FGF13: variants seen among roughly 807,000 people sequenced by gnomAD.
FGF13 encodes the protein fibroblast growth factor homologous factor 2.
A neutral mutation model predicts 19.5 loss-of-function variants in FGF13; 2 were observed. That is an observed-to-expected ratio of 0.10 (90% confidence interval 0.04 to 0.32). FGF13 has a LOEUF of 0.32. Among genes scored for constraint, FGF13 ranks in the 10% least tolerant of loss-of-function variants. The probability of loss-of-function intolerance (pLI) is 1.00; values close to 1 mark genes in which losing one functional copy is unlikely to be tolerated. For missense variants in FGF13, 113 were observed against 192.7 expected (o/e 0.59, Z 2.45); for synonymous variants, 72 against 76.9 (o/e 0.94, Z 0.33).
At chrX:139,098,761 T>G (rs1195264928) in intron 1 of FGF13, among the ~76,000 whole-genome samples, 1 of 111,405 alleles carries the variant, frequency 9.0e-6, no homozygotes, top group African/African-American at 3.3e-5. Context: ...GGACAAAGAT[T>G]GAAAAATTAC....
chrX:138,773,050 A>G (rs2090560520), intron 3 of FGF13, among the ~76,000 whole-genome samples: 1 of 110,031 alleles, frequency 9.1e-6, no homozygotes, highest in Non-Finnish European at 1.9e-5. Flanking sequence ...AAAAAAAAAT[A>G]AAAATATATA....
chrX:138,739,714 G>A (rs755120621), upstream of FGF13, among the ~76,000 whole-genome samples: 5 of 111,816 alleles, frequency 4.5e-5, no homozygotes, highest in East Asian at 8.5e-4. Context: ...AAGTCTCCCC[G>A]ATAGTGTTTG....
intron 1 of FGF13, among the ~76,000 whole-genome samples, chrX:138,728,921 G>A (rs1356780408): frequency 9.0e-6 from 1 of 111,491 alleles, no homozygotes; most frequent in East Asian, 2.8e-4. Flanking sequence ...TGGTGATCCT[G>A]CTCCTAAATA....
chrX:138,651,218 T>C (rs1409756065), intron 3 of FGF13, among the ~76,000 whole-genome samples: 2 of 111,742 alleles, frequency 1.8e-5, no homozygotes, highest in African/African-American at 3.3e-5. Flanking sequence ...TTGAAGGAAA[T>C]AGGAGTAGAC....
At chrX:139,146,368 A>C (rs1209816952) in intron 1 of FGF13, among the ~76,000 whole-genome samples, 4 of 112,594 alleles carry the variant, frequency 3.6e-5, no homozygotes, top group Non-Finnish European at 7.5e-5. Context: ...CACATGAAAA[A>C]ATGCTCATCA....
chrX:138,647,175 C>T (rs2089316003), intron 3 of FGF13, among the ~76,000 whole-genome samples: 1 of 101,774 alleles, frequency 9.8e-6, no homozygotes, highest in Non-Finnish European at 2.0e-5. Flanking sequence ...AAACATATTT[C>T]TTCCTGGAGG....
In FGF13 at chrX:138,725,071, A is replaced by G. The variant is rs146851553; in HGVS notation, c.28+14171T>C. 2.0e-3 allele frequency among the ~76,000 whole-genome samples: 228 copies of G among 112,019 alleles called. 4 individuals are homozygous for G. In the East Asian group the frequency reaches 0.052, roughly 26 times the overall value. ...GTCTTTCACATCATAGTTGGCTTCA[A>G]TTTATCTATTTTGCGAGCTATGGTT... is the stretch of plus-strand genomic sequence containing the variant. On this transcript the variant is annotated intron_variant, in intron 1 of 4. Transcript: ENST00000305414.
chrX:138,840,851 A>G (rs1304641471), intron 3 of FGF13, among the ~76,000 whole-genome samples: 1 of 111,714 alleles, frequency 9.0e-6, no homozygotes, highest in Non-Finnish European at 1.9e-5. Flanking sequence ...CTTTGCTCCA[A>G]ATTATTCTTC....
At position 138,629,352 on chromosome X, in the gene FGF13, G is replaced by A. The variant is rs2089093734; in HGVS notation, c.*3498C>T. ...CACGCTAATCCTGAAGAAAGGAATA[G>A]TGTATGCCAGTGTGATATGGTTTGG... On this transcript the variant is annotated 3_prime_UTR_variant, in exon 5 of 5. Coordinates refer to ENST00000315930, the MANE Select transcript of FGF13 (RefSeq NM_004114.5). 2 of 112,141 alleles carry A rather than the reference G, an allele frequency of 1.8e-5. No homozygotes were observed. The highest frequency in any genetic ancestry group is 3.2e-5 in the African/African-American group (1 of 30,837). 9.2% of individuals were successfully genotyped at this position (112,141 alleles called of 1,213,427 possible).
At chrX:139,058,427 T>C (rs964996940) in intron 1 of FGF13, among the ~76,000 whole-genome samples, 2 of 112,195 alleles carry the variant, frequency 1.8e-5, no homozygotes, top group African/African-American at 6.5e-5. Context: ...CTTCCTTCAA[T>C]TCTTCCTTCC....
chrX:139,160,151 C>T (rs908819615), intron 1 of FGF13, among the ~76,000 whole-genome samples: 6 of 112,133 alleles, frequency 5.4e-5, no homozygotes, highest in African/African-American at 6.5e-5. Context: ...TCTCAGACCA[C>T]AGTGCAATCA....
chrX:138,677,686 C>T (rs1485798606), intron 3 of FGF13, among the ~76,000 whole-genome samples: 5 of 111,532 alleles, frequency 4.5e-5, no homozygotes, highest in Non-Finnish European at 9.4e-5. Context: ...ACAACAGGTG[C>T]TGGAGACGAT....
At chrX:138,831,972 TAA>T (rs1288273145) in intron 3 of FGF13, among the ~76,000 whole-genome samples, 1 of 112,036 alleles carries the variant, frequency 8.9e-6, no homozygotes, top group African/African-American at 3.2e-5. Context: ...TTGCTAAGGA[TAA>T]TGGCCTCCAG....
intron 1 of FGF13, among the ~76,000 whole-genome samples, chrX:139,192,648 T>C (rs895463091): frequency 8.9e-6 from 1 of 111,878 alleles, no homozygotes; most frequent in Non-Finnish European, 1.9e-5. Flanking sequence ...CCAGATATAC[T>C]GAATCAAATT....
intron 1 of FGF13, among the ~76,000 whole-genome samples, chrX:139,155,994 A>C: frequency 8.9e-6 from 1 of 111,963 alleles, no homozygotes. Flanking sequence ...TTTCAGGGTG[A>C]GCCCTGGGCA....
chrX:139,065,627 TC>T (rs1333022649), intron 1 of FGF13, among the ~76,000 whole-genome samples: 4 of 110,351 alleles, frequency 3.6e-5, no homozygotes, highest in Non-Finnish European at 7.6e-5. Context: ...GAGCTAACTA[TC>T]CTAAATACAT....
At chrX:138,667,413 T>G (rs1465210990) in intron 3 of FGF13, among the ~76,000 whole-genome samples, 1 of 109,901 alleles carries the variant, frequency 9.1e-6, no homozygotes, top group Non-Finnish European at 1.9e-5. Flanking sequence ...CTTTTTGTAT[T>G]TTCCAATTTT....
chrX:138,846,562 C>T (rs2091185319), intron 3 of FGF13, among the ~76,000 whole-genome samples: 5 of 112,242 alleles, frequency 4.5e-5, no homozygotes, highest in Admixed American at 3.8e-4. Flanking sequence ...TCCAGCATTG[C>T]CTTCTGCCAT....
intron 3 of FGF13, among the ~76,000 whole-genome samples, chrX:138,762,233 A>G (rs1485916057): frequency 1.8e-5 from 2 of 111,263 alleles, no homozygotes; most frequent in African/African-American, 3.3e-5. Flanking sequence ...TGACTCCTCA[A>G]TGTCATTTGG....
Sources: gnomAD v4.1 joint callset for allele counts (sites outside exome capture counted in the v4.1 genomes callset) on GRCh38, gnomAD v4.1.1 for gene constraint, MANE v1.5 for transcripts, NCBI Gene and HGNC (gene_info 2026-07-23, HGNC 2026-07-21) for gene names.